Variants in MYO5B observed in about 807,000 individuals in gnomAD.
MYO5B encodes myosin VB, also known as unconventional myosin-Vb.
A neutral mutation model predicts 229.3 loss-of-function variants in MYO5B; 143 were observed. The observed-to-expected ratio is 0.62, with a 90% CI of 0.54 to 0.72. MYO5B has a LOEUF of 0.72. MYO5B is among the 30% of genes least tolerant of loss of function. The pLI is 0.00. For synonymous variants in MYO5B, 918 were observed against 885.2 expected, an observed-to-expected ratio of 1.04 and a Z score of -0.66; for missense variants, 2,321 against 2,331.0, an observed-to-expected ratio of 1.00 and a Z score of 0.09.
chr18:49,864,756 T>C (rs1304854589), intron 27 of MYO5B, among the ~76,000 whole-genome samples: 1 of 152,250 alleles, frequency 6.6e-6, no homozygotes, highest in African/African-American at 2.4e-5. Flanking sequence ...TTCACACGCT[T>C]TGTGACTTTC....
In MYO5B at chr18:49,864,241, T is replaced by C; in HGVS notation, c.3743A>G (p.Lys1248Arg). 1 of 1,614,138 alleles carries C rather than the reference T, an allele frequency of 6.2e-7. No individual in the cohort carries two copies. Among genetic ancestry groups the C allele is most frequent in the Non-Finnish European group, 8.5e-7 (1 of 1,180,040 alleles). ...DSYSLLLNQL[K>R]LAHEELEVRK... ...CACCTCGAGCTCCTCGTGGGCCAGC[T>C]TGAGCTGGTTCAGCAGGAGGCTGTA... The change falls in exon 28 of 40, where the codon AAG becomes AGG. Residue 1248 changes from lysine (K) to arginine (R), a missense_variant. Physicochemically the swap from Lys to Arg is conservative, Grantham distance 26. This residue lies in a region of MYO5B where 2,113 missense variants were observed against 2,044.7 expected (regional missense o/e 1.03). Transcript: ENST00000285039.
In MYO5B at chr18:49,831,534, T is replaced by G. The variant is rs970225962; in HGVS notation, c.5394+3810A>C. 7.9e-5 allele frequency among the ~76,000 whole-genome samples: 12 copies of G among 152,148 alleles called. No homozygotes were observed. In the South Asian group the frequency reaches 1.7e-3, roughly 21 times the overall value. On this transcript the variant is annotated intron_variant, in intron 39 of 39. Transcript: ENST00000285039. ...GAAAAGATGCTAGTCATCAGAGAGA[T>G]ACAAATCCAAACCACAATGAGATGC...
intron 4 of MYO5B, among the ~76,000 whole-genome samples, chr18:50,028,248 C>A (rs1430205029): frequency 6.6e-6 from 1 of 152,068 alleles, no homozygotes; most frequent in Non-Finnish European, 1.5e-5. Context: ...GTGGGTGGGG[C>A]AGGGAAAGGA....
chr18:50,071,402 A>G (rs761137996), intron 1 of MYO5B, among the ~76,000 whole-genome samples: 45 of 152,318 alleles, frequency 3.0e-4, no homozygotes, highest in Admixed American at 1.8e-3. Flanking sequence ...TGCCCCATGC[A>G]TACAGGACAG....
chr18:50,090,317 T>C (rs2031420581), intron 1 of MYO5B, among the ~76,000 whole-genome samples: 1 of 134,950 alleles, frequency 7.4e-6, no homozygotes, highest in African/African-American at 2.9e-5. Context: ...CACTCCAGCC[T>C]AGGTTACAGA....
At chr18:49,904,630 T>C in intron 20 of MYO5B, 42 bp downstream of exon 20, 1 of 1,613,510 alleles carries the variant, frequency 6.2e-7, no homozygotes, top group Non-Finnish European at 8.5e-7. Context: ...GCCACTTTAG[T>C]TCTGAATCTG....
Position 49,906,468 on chromosome 18 carries a change from C to A in MYO5B, c.2365G>T (p.Gly789Trp). Residue 789 changes from glycine to tryptophan, a missense_variant, in exon 19 of 40, where the codon GGG becomes TGG. Physicochemically the swap from Gly to Trp is radical, Grantham distance 184. This residue lies in a region of MYO5B where 2,113 missense variants were observed against 2,044.7 expected (regional missense o/e 1.03). Transcript: ENST00000285039. The stretch of plus-strand genomic sequence containing the variant: ...TACCTCTGCAGGGTTAAGGTAGCCC[C>A]CTTCAGCCTGTGATATTTCACCTTC... ...LQKVKYHRLK[G>W]ATLTLQRYCR... 1 of 1,614,170 alleles carries A rather than the reference C, an allele frequency of 6.2e-7. No homozygotes were observed. Among genetic ancestry groups the A allele is most frequent in the Non-Finnish European group, 8.5e-7 (1 of 1,180,030 alleles).
At chr18:49,891,529 C>T (rs1436072927) in intron 22 of MYO5B, among the ~76,000 whole-genome samples, 1 of 152,184 alleles carries the variant, frequency 6.6e-6, no homozygotes, top group Non-Finnish European at 1.5e-5. Flanking sequence ...ATTCAAACAC[C>T]TGCTGAATGA....
intron 1 of MYO5B, among the ~76,000 whole-genome samples, chr18:50,129,643 A>G (rs904830594): frequency 6.6e-6 from 1 of 152,182 alleles, no homozygotes; most frequent in Non-Finnish European, 1.5e-5. Context: ...TTTGCAGATG[A>G]GGAAACTAAA....
rs2024462709 is a variant in MYO5B at position 49,872,173 on chromosome 18, A to G, written c.3597T>C (p.Ser1199=). Residue 1199 remains serine (S), a synonymous_variant, in exon 27 of 40, where the codon AGT becomes AGC. Transcript: ENST00000285039. ...TGTCCCCCAAGAATCTTACCTTCAG[A>G]CTATTGTAGGCCAGATCTGCATTCG... is the stretch of plus-strand genomic sequence containing the variant. ...LDPNADLAYN[S]LKRQELESEN... is the part of the protein sequence containing the mutation. The G allele has an allele frequency of 6.2e-7, 1 of 1,614,014 alleles. No homozygotes were observed. Among genetic ancestry groups the G allele is most frequent in the Non-Finnish European group, 8.5e-7 (1 of 1,179,954 alleles).
intron 1 of MYO5B, among the ~76,000 whole-genome samples, chr18:50,173,602 G>A (rs1484833875): frequency 6.6e-6 from 1 of 152,182 alleles, no homozygotes; most frequent in Non-Finnish European, 1.5e-5. Context: ...GAGCAGTGAG[G>A]GGGCAAGAAG....
At chr18:50,056,139 G>C (rs185972144) in intron 1 of MYO5B, among the ~76,000 whole-genome samples, 11 of 152,312 alleles carry the variant, frequency 7.2e-5, no homozygotes, top group Admixed American at 7.2e-4. Context: ...TAGCTATCCT[G>C]ATTTGCAGAC....
At chr18:49,858,365 G>A (rs924401679) in intron 29 of MYO5B, among the ~76,000 whole-genome samples, 2 of 152,240 alleles carry the variant, frequency 1.3e-5, no homozygotes, top group African/African-American at 2.4e-5. Context: ...TCTTGGGGAG[G>A]GCCGGAAGTA....
chr18:50,071,112 C>T (rs1241304708), intron 1 of MYO5B, among the ~76,000 whole-genome samples: 2 of 152,224 alleles, frequency 1.3e-5, no homozygotes, highest in Admixed American at 6.5e-5. Context: ...GTGTGGGCCA[C>T]CATGCCCAGC....
rs373921828 is a variant in MYO5B at position 49,921,074 on chromosome 18, T to A, written c.2090+8438A>T. Among the ~76,000 whole-genome samples, 268 of 152,304 alleles carry A rather than the reference T, an allele frequency of 1.8e-3. 1 individual carries two copies. The highest frequency in any genetic ancestry group is 6.3e-3 in the African/African-American group (262 of 41,552). Reference sequence around the variant, plus strand: ...CGTCTGTTTTAAACTCAACCATGATTAAATAGGGAGAGGAAGCAGGCCGCT... The same window carrying A: ...CGTCTGTTTTAAACTCAACCATGATAAAATAGGGAGAGGAAGCAGGCCGCT... On this transcript the variant is annotated intron_variant, in intron 17 of 39. Transcript: ENST00000285039.
chr18:50,056,383 T>A (rs1340438602), intron 1 of MYO5B, among the ~76,000 whole-genome samples: 1 of 152,160 alleles, frequency 6.6e-6, no homozygotes, highest in Non-Finnish European at 1.5e-5. Context: ...GAGACACTAA[T>A]GAGTGCTGAA....
intron 2 of MYO5B, among the ~76,000 whole-genome samples, chr18:50,048,547 C>CCTGTTG (rs2030300634): frequency 6.6e-6 from 1 of 152,120 alleles, no homozygotes; most frequent in African/African-American, 2.4e-5. Flanking sequence ...TCTCTCCTTC[C>CCTGTTG]ACCTGAAGTG....
intron 4 of MYO5B, among the ~76,000 whole-genome samples, chr18:50,003,989 A>G (rs112413531): frequency 2.6e-5 from 4 of 152,308 alleles, no homozygotes; most frequent in African/African-American, 9.6e-5. Flanking sequence ...AAGGAGACCC[A>G]GTTGACAGGT....
At chr18:50,007,212 G>A (rs185821644) in intron 4 of MYO5B, among the ~76,000 whole-genome samples, 1 of 152,252 alleles carries the variant, frequency 6.6e-6, no homozygotes, top group East Asian at 1.9e-4. Flanking sequence ...CCTATCCCTG[G>A]CACCTCCTCT....
Sources: allele counts gnomAD v4.1 joint callset (sites outside exome capture counted in the v4.1 genomes callset), GRCh38; gene constraint gnomAD v4.1.1; regional missense constraint gnomAD v4.1.1; transcripts MANE v1.5; gene names NCBI Gene and HGNC (gene_info 2026-07-23, HGNC 2026-07-21).